Variants in DDX4 observed in about 807,000 individuals in gnomAD.
DDX4 encodes probable ATP-dependent RNA helicase DDX4.
Under a neutral mutation model 100.0 loss-of-function variants are expected in DDX4, and 25 were observed. That is an observed-to-expected ratio of 0.25 (90% CI 0.18 to 0.35). DDX4 has a LOEUF of 0.35. DDX4 is among the 10% of genes least tolerant of loss of function. The probability of loss-of-function intolerance (pLI) is 1.00; values close to 1 mark genes in which losing one functional copy is unlikely to be tolerated. For missense variants in DDX4, 635 were observed against 882.4 expected, an observed-to-expected ratio of 0.72 and a Z score of 3.55; for synonymous variants, 259 against 275.7, an observed-to-expected ratio of 0.94 and a Z score of 0.60.
chr5:55,810,209 A>G (rs1165179396), intron 18 of DDX4, among the ~76,000 whole-genome samples: 1 of 151,798 alleles, frequency 6.6e-6, no homozygotes, highest in Non-Finnish European at 1.5e-5. Context: ...GGTTCAAGCG[A>G]TTCTCCTCCC....
chr5:55,746,818 G>A (rs956296614), intron 3 of DDX4, among the ~76,000 whole-genome samples: 3 of 152,162 alleles, frequency 2.0e-5, no homozygotes, highest in African/African-American at 7.2e-5. Context: ...CTATTTTACA[G>A]AGTGGATGTA....
At chr5:55,805,388 C>A (rs1157232525) in intron 18 of DDX4, among the ~76,000 whole-genome samples, 1 of 151,194 alleles carries the variant, frequency 6.6e-6, no homozygotes, top group African/African-American at 2.4e-5. Context: ...GAGAGGGCAT[C>A]CCTGTCTTGT....
chr5:55,775,210 A>G (rs1741484024), intron 7 of DDX4, among the ~76,000 whole-genome samples: 1 of 152,144 alleles, frequency 6.6e-6, no homozygotes, highest in Non-Finnish European at 1.5e-5. Context: ...ATTTCTTTTA[A>G]TGGTTGAATA....
At chr5:55,765,852 T>A (rs1409179736) in intron 6 of DDX4, among the ~76,000 whole-genome samples, 1 of 152,322 alleles carries the variant, frequency 6.6e-6, no homozygotes, top group East Asian at 1.9e-4. Flanking sequence ...TCACCTGGCC[T>A]GGAGTGCAGT....
rs777333297 is a variant in DDX4 at position 55,781,951 on chromosome 5, C to G, written c.595C>G (p.Gln199Glu). The G allele has an allele frequency of 3.7e-6, 6 of 1,613,992 alleles. No individual in the cohort carries two copies. Among genetic ancestry groups the G allele is most frequent in the Non-Finnish European group, 5.1e-6 (6 of 1,179,976 alleles). Residue 199 changes from glutamine to glutamate, a missense_variant, in exon 10 of 22, where the codon CAA becomes GAA. By Grantham distance (29) the Gln-to-Glu change is conservative. Around this residue, in one of 4 missense-constraint regions of DDX4, gnomAD observed 446 missense variants for 540.8 expected, o/e 0.82. Transcript: ENST00000505374. Reference sequence around the variant, plus strand: ...CCTTACAGGTAATGGTGATACTTCTCAAAGCAGAAGTGGCAGTGGAAGTGA... The same window carrying G: ...CCTTACAGGTAATGGTGATACTTCTGAAAGCAGAAGTGGCAGTGGAAGTGA... ...LSGTGNGDTS[Q>E]SRSGSGSERG... is the part of the protein sequence containing the mutation.
At chr5:55,771,770 AT>A (rs1406718835) in intron 7 of DDX4, among the ~76,000 whole-genome samples, 2 of 151,880 alleles carry the variant, frequency 1.3e-5, no homozygotes. Context: ...TTAAATTTCT[AT>A]TTTTTTGGAC....
intron 3 of DDX4, among the ~76,000 whole-genome samples, chr5:55,758,889 A>G (rs1760109291): frequency 1.4e-5 from 2 of 139,122 alleles, no homozygotes; most frequent in South Asian, 4.6e-4. Context: ...AAAAAAAAAA[A>G]AAAAAAAAAG....
At chr5:55,798,132 T>A (rs1231018317) in intron 17 of DDX4, among the ~76,000 whole-genome samples, 1 of 152,222 alleles carries the variant, frequency 6.6e-6, no homozygotes, top group East Asian at 1.9e-4. Flanking sequence ...TGCTTTTTTT[T>A]AAGTGTTATA....
chr5:55,762,187 T>C (rs1196455165), intron 4 of DDX4, among the ~76,000 whole-genome samples: 3 of 152,176 alleles, frequency 2.0e-5, no homozygotes, highest in East Asian at 3.8e-4. Context: ...TAAGACAGTA[T>C]ATAGGGATCA....
chr5:55,805,798 A>G (rs903980982), intron 18 of DDX4, among the ~76,000 whole-genome samples: 44 of 151,994 alleles, frequency 2.9e-4, no homozygotes, highest in Admixed American at 2.6e-3. Flanking sequence ...TTTTTGTTGT[A>G]TCTCTGCCCG....
chr5:55,787,453 T>C (rs1379058889), intron 14 of DDX4, among the ~76,000 whole-genome samples: 1 of 152,192 alleles, frequency 6.6e-6, no homozygotes, highest in East Asian at 1.9e-4. Flanking sequence ...GCCACTTTTG[T>C]CATCCATTCT....
chr5:55,816,376 C>T (rs1290887828), intron 21 of DDX4, 87 bp from the exon 22 acceptor site: 20 of 1,505,740 alleles, frequency 1.3e-5, no homozygotes, highest in Non-Finnish European at 1.8e-5. Flanking sequence ...TGAGTCCTTG[C>T]TCTCAGTCTG....
At chr5:55,787,568 T>A (rs547938057) in intron 14 of DDX4, among the ~76,000 whole-genome samples, 1 of 152,182 alleles carries the variant, frequency 6.6e-6, no homozygotes, top group Non-Finnish European at 1.5e-5. Context: ...TATGCTAATG[T>A]TGTTGATCTG....
At chr5:55,766,688 G>A (rs913416948) in intron 6 of DDX4, among the ~76,000 whole-genome samples, 1 of 151,956 alleles carries the variant, frequency 6.6e-6, no homozygotes, top group African/African-American at 2.4e-5. Flanking sequence ...AAATGGATTG[G>A]GACTTTCACA....
chr5:55,739,978 C>T (rs894426858), intron 2 of DDX4, among the ~76,000 whole-genome samples: 11 of 152,006 alleles, frequency 7.2e-5, no homozygotes, highest in South Asian at 2.1e-4. Flanking sequence ...TGAGTTCAGG[C>T]GACATTCTCA....
intron 6 of DDX4, 70 bp from the exon 7 acceptor site, chr5:55,767,811 G>A (rs1472881235): frequency 9.0e-7 from 1 of 1,108,148 alleles, no homozygotes. Flanking sequence ...TCTTGTGACA[G>A]TGCTATTCTT....
rs191039793 is a variant in DDX4 at position 55,808,256 on chromosome 5, G to A, written c.1616-5417G>A. On this transcript the variant is annotated intron_variant, in intron 18 of 21. Transcript: ENST00000505374. ...CAAGGTTTTTAACTTCTTTGCCATG[G>A]CTTTGTATTCCTCCTTTAGCTCTGA... 2.0e-5 allele frequency among the ~76,000 whole-genome samples: 3 copies of A among 152,090 alleles called. No individual in the cohort carries two copies. The East Asian group carries it at 5.8e-4, about 29-fold the overall frequency.
chr5:55,762,781 T>TA (rs906528376), intron 4 of DDX4, among the ~76,000 whole-genome samples: 2 of 151,850 alleles, frequency 1.3e-5, no homozygotes, highest in African/African-American at 4.8e-5. Flanking sequence ...AATAGAAAAA[T>TA]AAAAAATAGA....
intron 15 of DDX4, among the ~76,000 whole-genome samples, chr5:55,789,808 A>G (rs1254043515): frequency 6.6e-6 from 1 of 152,174 alleles, no homozygotes; most frequent in Non-Finnish European, 1.5e-5. Context: ...CCTTACCCAC[A>G]CTGAAGGGGG....
Sources: allele counts gnomAD v4.1 joint callset (sites outside exome capture counted in the v4.1 genomes callset), GRCh38; gene constraint gnomAD v4.1.1; regional missense constraint gnomAD v4.1.1; transcripts MANE v1.5; gene names NCBI Gene and HGNC (gene_info 2026-07-23, HGNC 2026-07-21).